Variants in ESRRG observed in about 807,000 individuals in gnomAD.
ESRRG encodes the protein estrogen related receptor gamma.
ESRRG carries 13 observed loss-of-function variants against 44.0 expected under a neutral mutation model. The observed-to-expected ratio is 0.30, with a 90% CI of 0.19 to 0.47. ESRRG has a LOEUF of 0.47. Ranked by LOEUF, ESRRG falls within the 20% of genes least tolerant of loss-of-function variation. The probability of loss-of-function intolerance (pLI) is 1.00; values close to 1 mark genes in which losing one functional copy is unlikely to be tolerated. For synonymous variants in ESRRG, 215 were observed against 214.6 expected, an observed-to-expected ratio of 1.00 and a Z score of -0.02; for missense variants, 395 against 580.6, an observed-to-expected ratio of 0.68 and a Z score of 3.29.
At chr1:216,553,905 A>G (rs1159688268) in intron 5 of ESRRG, among the ~76,000 whole-genome samples, 1 of 152,144 alleles carries the variant, frequency 6.6e-6, no homozygotes, top group Non-Finnish European at 1.5e-5. Flanking sequence ...TCTAAGAGAA[A>G]AAAAGTTTTC....
chr1:216,545,851 A>G (rs923407159), intron 5 of ESRRG, among the ~76,000 whole-genome samples: 3 of 152,058 alleles, frequency 2.0e-5, no homozygotes, highest in Non-Finnish European at 4.4e-5. Flanking sequence ...CAAAGATAAA[A>G]TGTACTGCTC....
intron 2 of ESRRG, among the ~76,000 whole-genome samples, chr1:216,671,077 A>G (rs570909883): frequency 6.6e-6 from 1 of 152,300 alleles, no homozygotes; most frequent in South Asian, 2.1e-4. Flanking sequence ...TGCAATGTTC[A>G]GAGTGGACTT....
intron 1 of ESRRG, among the ~76,000 whole-genome samples, chr1:217,086,919 CA>C (rs1258513736): frequency 1.8e-5 from 2 of 111,176 alleles, no homozygotes; most frequent in Admixed American, 9.8e-5. Context: ...ACACACAAGA[CA>C]TTTTTTTTTT....
intron 2 of ESRRG, among the ~76,000 whole-genome samples, chr1:216,664,705 A>C (rs1308040200): frequency 6.7e-6 from 1 of 148,162 alleles, no homozygotes; most frequent in African/African-American, 2.4e-5. Flanking sequence ...AAAAAAAAAA[A>C]AACAGAAAAT....
intron 5 of ESRRG, among the ~76,000 whole-genome samples, chr1:216,526,502 C>T (rs1023833118): frequency 1.3e-5 from 2 of 152,118 alleles, no homozygotes; most frequent in African/African-American, 4.8e-5. Flanking sequence ...ACCAGACTAG[C>T]CTGCAGAGCC....
intron 2 of ESRRG, among the ~76,000 whole-genome samples, chr1:216,939,017 T>C (rs967782770): frequency 1.1e-4 from 16 of 152,214 alleles, no homozygotes; most frequent in Non-Finnish European, 1.9e-4. Flanking sequence ...TGGAGTGAAG[T>C]AGACAGATAT....
intron 1 of ESRRG, among the ~76,000 whole-genome samples, chr1:216,687,706 C>T (rs909149554): frequency 3.9e-5 from 6 of 152,304 alleles, no homozygotes; most frequent in Admixed American, 2.0e-4. Context: ...AAGGTCAACA[C>T]AGGCATGAAG....
intron 1 of ESRRG, among the ~76,000 whole-genome samples, chr1:217,080,259 G>T (rs1231894330): frequency 2.6e-5 from 4 of 152,116 alleles, no homozygotes; most frequent in Non-Finnish European, 5.9e-5. Flanking sequence ...TTAGCATGAT[G>T]TTAAAGATAT....
At chr1:216,972,024 C>T (rs2071784461) in intron 1 of ESRRG, among the ~76,000 whole-genome samples, 1 of 152,172 alleles carries the variant, frequency 6.6e-6, no homozygotes, top group Non-Finnish European at 1.5e-5. Context: ...GGTGTTTAGA[C>T]ATTATTACCT....
chr1:217,074,097 G>C (rs1017046979), intron 1 of ESRRG, among the ~76,000 whole-genome samples: 3 of 150,274 alleles, frequency 2.0e-5, no homozygotes, highest in African/African-American at 7.4e-5. Context: ...GCCCGGGCTG[G>C]TGTGCAATGG....
intron 2 of ESRRG, among the ~76,000 whole-genome samples, chr1:216,736,292 C>G (rs2152180044): frequency 6.7e-6 from 1 of 149,624 alleles, no homozygotes. Flanking sequence ...ACGCCATTCT[C>G]CTGCCTCAGC....
At chr1:217,010,885 C>G (rs1200029231) in intron 1 of ESRRG, among the ~76,000 whole-genome samples, 1 of 152,144 alleles carries the variant, frequency 6.6e-6, no homozygotes, top group Non-Finnish European at 1.5e-5. Context: ...TAATTCTCTT[C>G]TATAGAATAT....
intron 2 of ESRRG, among the ~76,000 whole-genome samples, chr1:216,755,815 T>C (rs922472345): frequency 6.6e-6 from 1 of 152,092 alleles, no homozygotes; most frequent in Non-Finnish European, 1.5e-5. Flanking sequence ...ATATACTGTT[T>C]CAAAGTTTTC....
chr1:216,990,961 A>G (rs1439317682), intron 1 of ESRRG, among the ~76,000 whole-genome samples: 2 of 152,054 alleles, frequency 1.3e-5, no homozygotes, highest in East Asian at 1.9e-4. Context: ...CACCCCATAT[A>G]CATCCATGGC....
rs1333033225 is a variant in ESRRG at position 217,027,405 on chromosome 1, C to T, written c.-106+62102G>A. On this transcript the variant is annotated intron_variant, in intron 1 of 7. Coordinates refer to the ESRRG transcript ENST00000359162. ...TTCTTCGTTACATGCATTCTTCAGC[C>T]CTTACAAACCACCCTTACAGAGGTG... Among the ~76,000 whole-genome samples the T allele has an allele frequency of 2.0e-5, 3 of 152,104 alleles. No individual in the cohort carries two copies. The East Asian group carries it at 5.8e-4, about 29-fold the overall frequency.
At chr1:216,806,735 C>A (rs2094805322) in intron 2 of ESRRG, among the ~76,000 whole-genome samples, 1 of 152,120 alleles carries the variant, frequency 6.6e-6, no homozygotes, top group African/African-American at 2.4e-5. Context: ...GGAAACAAAT[C>A]CCCTAATAGA....
At chr1:216,510,900 A>G (rs2042545984) in intron 6 of ESRRG, among the ~76,000 whole-genome samples, 1 of 152,062 alleles carries the variant, frequency 6.6e-6, no homozygotes, top group Non-Finnish European at 1.5e-5. Flanking sequence ...AACATTAATC[A>G]TTGTGTGCAC....
intron 3 of ESRRG, among the ~76,000 whole-genome samples, chr1:216,620,158 C>T (rs1258181744): frequency 2.6e-5 from 4 of 152,150 alleles, no homozygotes; most frequent in Non-Finnish European, 5.9e-5. Flanking sequence ...GTTTCAATCC[C>T]TACTGTGTAA....
At chr1:216,662,048 T>C (rs996679724) in intron 2 of ESRRG, among the ~76,000 whole-genome samples, 5 of 152,184 alleles carry the variant, frequency 3.3e-5, no homozygotes, top group Non-Finnish European at 1.5e-5. Flanking sequence ...GGGGTTGCTA[T>C]TAACATTAAG....
Sources: allele counts gnomAD v4.1 joint callset (sites outside exome capture counted in the v4.1 genomes callset), GRCh38; gene constraint gnomAD v4.1.1; transcripts MANE v1.5; gene names NCBI Gene and HGNC (gene_info 2026-07-23, HGNC 2026-07-21).